The following ENTREP2 variants were observed in gnomAD, a reference collection of about 807,000 sequenced individuals.
ENTREP2 encodes protein ENTREP2.
chr15:29,221,161 A>T, the ENTREP2 span, among the ~76,000 whole-genome samples: 1,569 of 152,076 alleles, frequency 0.01, 26 homozygotes, highest in African/African-American at 0.036. Context: ...AACCGTTCCT[A>T]CAGCCCTGGG....
chr15:29,254,553 TA>T, the ENTREP2 span, among the ~76,000 whole-genome samples: 2,408 of 152,248 alleles, frequency 0.016, 82 homozygotes, highest in African/African-American at 0.055. Context: ...GACACATGTC[TA>T]TTTTTTTAAA....
the ENTREP2 span, among the ~76,000 whole-genome samples, chr15:29,477,690 G>A: frequency 2.0e-5 from 3 of 152,232 alleles, no homozygotes; most frequent in South Asian, 2.1e-4. Context: ...TCTCAGACAT[G>A]GCCGGGGAAA....
chr15:29,412,774 T>C, the ENTREP2 span, among the ~76,000 whole-genome samples: 2 of 152,144 alleles, frequency 1.3e-5, no homozygotes, highest in Non-Finnish European at 2.9e-5. Flanking sequence ...CTTTTGGCTA[T>C]GTTTATCCTC....
chr15:29,124,838 G>T, the ENTREP2 span: 1 of 1,261,100 alleles, frequency 7.9e-7, no homozygotes, highest in Non-Finnish European at 1.1e-6. Context: ...ACCCGCCTGT[G>T]ACTAAGACAT....
chr15:29,657,080 C>T, the ENTREP2 span, among the ~76,000 whole-genome samples: 5 of 152,098 alleles, frequency 3.3e-5, no homozygotes, highest in Non-Finnish European at 7.4e-5. Context: ...CCGAGTCTCC[C>T]GCTGTTCCTC....
At chr15:29,534,179 A>T in the ENTREP2 span, among the ~76,000 whole-genome samples, 1,729 of 146,308 alleles carry the variant, frequency 0.012, 25 homozygotes, top group African/African-American at 0.041. Flanking sequence ...TCAGGAGCTC[A>T]CCGGAACGTG....
the ENTREP2 span, among the ~76,000 whole-genome samples, chr15:29,474,130 C>T: frequency 3.9e-5 from 6 of 152,270 alleles, no homozygotes; most frequent in African/African-American, 1.2e-4. Flanking sequence ...AGAGCAGAGG[C>T]CCTCATTGTA....
At chr15:29,444,176 A>AGACAC in the ENTREP2 span, among the ~76,000 whole-genome samples, 1 of 54,882 alleles carries the variant, frequency 1.8e-5, no homozygotes, top group Admixed American at 1.7e-4. Flanking sequence ...CAGACAAAGA[A>AGACAC]AGAAAGAAAG....
At chr15:29,461,625 C>T in the ENTREP2 span, among the ~76,000 whole-genome samples, 3 of 152,130 alleles carry the variant, frequency 2.0e-5, no homozygotes, top group Non-Finnish European at 4.4e-5. Context: ...CAGGTGTCTG[C>T]CACTGTGCCA....
the ENTREP2 span, chr15:29,195,255 G>T: frequency 1.0e-6 from 1 of 985,202 alleles, no homozygotes; most frequent in Non-Finnish European, 1.2e-6. Context: ...TGTGAGCCAG[G>T]CGTAGTCCTA....
the ENTREP2 span, among the ~76,000 whole-genome samples, chr15:29,309,868 G>A: frequency 2.8e-4 from 43 of 151,948 alleles, no homozygotes; most frequent in African/African-American, 9.7e-4. Flanking sequence ...CATATGTCAT[G>A]CCTGTGCTTG....
At chr15:29,131,905 A>C in the ENTREP2 span, among the ~76,000 whole-genome samples, 1 of 151,112 alleles carries the variant, frequency 6.6e-6, no homozygotes, top group South Asian at 2.1e-4. Flanking sequence ...CTGGCTGAAG[A>C]GTACAGCCTC....
At chr15:29,515,022 T>C in the ENTREP2 span, among the ~76,000 whole-genome samples, 1 of 152,208 alleles carries the variant, frequency 6.6e-6, no homozygotes, top group Non-Finnish European at 1.5e-5. Context: ...TCTGTCTGCA[T>C]GAAAACCTAC....
At chr15:29,310,234 G>T in the ENTREP2 span, among the ~76,000 whole-genome samples, 1 of 152,196 alleles carries the variant, frequency 6.6e-6, no homozygotes, top group Non-Finnish European at 1.5e-5. Context: ...CTGAGAATTC[G>T]CACTAATACC....
the ENTREP2 span, among the ~76,000 whole-genome samples, chr15:29,249,553 T>C: frequency 6.6e-6 from 1 of 152,192 alleles, no homozygotes; most frequent in Non-Finnish European, 1.5e-5. Flanking sequence ...AATTTTTATA[T>C]ATGAAATTTT....
chr15:29,476,612 C>T, the ENTREP2 span, among the ~76,000 whole-genome samples: 7 of 152,344 alleles, frequency 4.6e-5, no homozygotes, highest in African/African-American at 1.4e-4. Context: ...CTGCCCCTGA[C>T]CACCCTTGTC....
the ENTREP2 span, among the ~76,000 whole-genome samples, chr15:29,434,118 C>T: frequency 6.6e-6 from 1 of 152,196 alleles, no homozygotes; most frequent in Non-Finnish European, 1.5e-5. Context: ...GTTACCGTGG[C>T]TCTAGCTGGC....
the ENTREP2 span, among the ~76,000 whole-genome samples, chr15:29,605,380 T>G: frequency 6.6e-6 from 1 of 152,200 alleles, no homozygotes; most frequent in African/African-American, 2.4e-5. Flanking sequence ...CAGGACAGTC[T>G]ATGCATACAC....
the ENTREP2 span, among the ~76,000 whole-genome samples, chr15:29,350,680 C>T: frequency 1.3e-5 from 2 of 152,120 alleles, no homozygotes; most frequent in African/African-American, 2.4e-5. Context: ...TGGTGGCTCA[C>T]GCCTGTAATC....
Sources: gnomAD v4.1 joint callset for allele counts (sites outside exome capture counted in the v4.1 genomes callset) on GRCh38, gnomAD v4.1.1 for gene constraint, MANE v1.5 for transcripts, NCBI Gene and HGNC (gene_info 2026-07-23, HGNC 2026-07-21) for gene names.